The following HNRNPF variants were observed in gnomAD, a reference collection of about 807,000 sequenced individuals.
The protein encoded by HNRNPF is HnRNP F protein.
HNRNPF carries 2 observed loss-of-function variants against 26.0 expected under a neutral mutation model. The ratio of observed to expected loss-of-function variants is 0.08; its 90% CI spans 0.03 to 0.24. The LOEUF is 0.24. HNRNPF is among the 10% of genes least tolerant of loss of function. The probability of loss-of-function intolerance (pLI) is 1.00; values close to 1 mark genes in which losing one functional copy is unlikely to be tolerated. For missense variants in HNRNPF, 299 were observed against 539.2 expected, an observed-to-expected ratio of 0.55 and a Z score of 4.41; for synonymous variants, 234 against 211.5, an observed-to-expected ratio of 1.11 and a Z score of -0.92.
At chr10:43,393,511 G>A (rs1295359874) in intron 3 of HNRNPF, among the ~76,000 whole-genome samples, 1 of 151,890 alleles carries the variant, frequency 6.6e-6, no homozygotes, top group African/African-American at 2.4e-5. Flanking sequence ...CAGGAGAATC[G>A]CTTGAACCTG....
Position 43,396,591 on chromosome 10 carries a change from C to T in HNRNPF, c.-246-1G>A, listed in dbSNP as rs1838527840. 1 of 152,260 alleles carries T rather than the reference C, an allele frequency of 6.6e-6. No homozygotes were observed. Among genetic ancestry groups the T allele is most frequent in the Non-Finnish European group, 1.5e-5 (1 of 68,058 alleles). 9.4% of individuals were successfully genotyped at this position (152,260 alleles called of 1,614,324 possible). ...CCAGGTGCATGTTTTTGTTCTCAAC[C>T]TGCAACAGAAATCCAAGTGGTGGTG... On this transcript the variant is annotated splice_acceptor_variant, in intron 1 of 3. Transcript: ENST00000682386. LOFTEE classifies it low-confidence loss of function (5UTR_SPLICE).
Position 43,385,652 on chromosome 10 carries a change from C to T in HNRNPF, c.*985G>A, listed in dbSNP as rs1398335399. ...ATCAGCATTTTATAAAAACTAGAAA[C>T]AAAATAATTGCTTTCACAATGTAGT... On this transcript the variant is annotated 3_prime_UTR_variant, in exon 4 of 4. Transcript: ENST00000682386. The T allele has an allele frequency of 6.6e-6, 1 of 151,952 alleles. No homozygotes were observed. Among genetic ancestry groups the T allele is most frequent in the African/African-American group, 2.4e-5 (1 of 41,384 alleles). The allele number at this position is 151,952 out of a possible 1,614,324, so 9.4% of individuals were successfully genotyped here.
rs1838526909 is a variant in HNRNPF, at chr10:43,396,555, C to G, written c.-211G>C. 1 of 152,270 alleles carries G rather than the reference C, an allele frequency of 6.6e-6. No homozygotes were observed. Among genetic ancestry groups the G allele is most frequent in the Non-Finnish European group, 1.5e-5 (1 of 68,096 alleles). 9.4% of individuals were successfully genotyped at this position (152,270 alleles called of 1,614,324 possible). ...CCGAAGCTCAACCACGCAGAGGGCT[C>G]CGGGGAAACTCCAGGTGCATGTTTT... On this transcript the variant is annotated 5_prime_UTR_variant, in exon 2 of 4. Transcript: ENST00000682386.
intron 1 of HNRNPF, 196 bp downstream of exon 1, chr10:43,408,935 T>A (rs1357638418): frequency 2.0e-5 from 3 of 152,350 alleles, no homozygotes; most frequent in Non-Finnish European, 4.4e-5. Context: ...GCCCCAATCC[T>A]CAGCGCCTGC....
chr10:43,387,714 A>G lies in HNRNPF; in HGVS notation c.171T>C (p.Ala57=), dbSNP rs901892009. ...CATCTTCTGATCCAAGTTCAACAAA[A>G]GCCTCACCACTCTGCCTGCCCTCTC... ...YTREGRQSGE[A]FVELGSEDDV... is the part of the protein sequence containing the mutation. The change falls in exon 4 of 4, where the codon GCT becomes GCC. Residue 57 remains alanine, a synonymous_variant. Transcript: ENST00000682386. The surrounding 1 kb of genome is among the most constrained non-coding windows in gnomAD (Gnocchi z 6.0). 13 of 1,613,974 alleles carry G rather than the reference A, an allele frequency of 8.1e-6. No homozygotes were observed. The highest frequency in any genetic ancestry group is 1.7e-5 in the Admixed American group (1 of 59,980).
chr10:43,401,162 A>G (rs1838744068), intron 1 of HNRNPF, among the ~76,000 whole-genome samples: 1 of 151,866 alleles, frequency 6.6e-6, no homozygotes, highest in Admixed American at 6.6e-5. Flanking sequence ...CTACATTTAT[A>G]TCCACCAAAG....
At chr10:43,390,438 A>C (rs938342429) in intron 3 of HNRNPF, among the ~76,000 whole-genome samples, 13 of 151,972 alleles carry the variant, frequency 8.6e-5, no homozygotes, top group African/African-American at 2.7e-4. Flanking sequence ...TAATCCACTA[A>C]CCATTTTCTC....
chr10:43,405,512 C>T (rs1356671290), intron 1 of HNRNPF, among the ~76,000 whole-genome samples: 2 of 151,978 alleles, frequency 1.3e-5, no homozygotes, highest in South Asian at 2.1e-4. Flanking sequence ...AAAAATTAGC[C>T]GGGCATGGTG....
At chr10:43,401,683 G>A (rs1056437270) in intron 1 of HNRNPF, among the ~76,000 whole-genome samples, 1 of 152,144 alleles carries the variant, frequency 6.6e-6, no homozygotes, top group Non-Finnish European at 1.5e-5. Flanking sequence ...GTTTTTCCCA[G>A]ACCACCTCCT....
chr10:43,392,336 C>A (rs1055031021), intron 3 of HNRNPF, among the ~76,000 whole-genome samples: 4 of 152,086 alleles, frequency 2.6e-5, no homozygotes, highest in Non-Finnish European at 5.9e-5. Flanking sequence ...GTCAGGAGAT[C>A]GAGACCATCC....
intron 2 of HNRNPF, among the ~76,000 whole-genome samples, chr10:43,396,105 C>T (rs547271341): frequency 1.3e-5 from 2 of 152,206 alleles, no homozygotes; most frequent in African/African-American, 2.4e-5. Flanking sequence ...AAAGCGCTCC[C>T]GAACGAGCTC....
intron 1 of HNRNPF, chr10:43,397,477 G>T (rs984869396): frequency 6.6e-6 from 1 of 150,604 alleles, no homozygotes; most frequent in Admixed American, 6.6e-5. Flanking sequence ...GCGACCTGGG[G>T]AAAGTCCAGA....
chr10:43,392,402 C>T (rs1028039666), intron 3 of HNRNPF, among the ~76,000 whole-genome samples: 8 of 152,038 alleles, frequency 5.3e-5, no homozygotes, highest in Non-Finnish European at 1.2e-4. Context: ...AGCCAGGCGT[C>T]GTGGCGGGCG....
intron 1 of HNRNPF, among the ~76,000 whole-genome samples, chr10:43,404,822 C>A (rs1411588373): frequency 6.6e-6 from 1 of 152,120 alleles, no homozygotes; most frequent in Non-Finnish European, 1.5e-5. Flanking sequence ...AACTCCGTCT[C>A]AAAAACAAAA....
intron 3 of HNRNPF, among the ~76,000 whole-genome samples, chr10:43,390,793 A>G (rs2131965432): frequency 6.6e-6 from 1 of 152,206 alleles, no homozygotes; most frequent in South Asian, 2.1e-4. Flanking sequence ...CTAAGCTACA[A>G]TTTCTCAGCC....
At chr10:43,398,793 A>G (rs1370787765) in intron 1 of HNRNPF, among the ~76,000 whole-genome samples, 3 of 152,178 alleles carry the variant, frequency 2.0e-5, no homozygotes, top group Non-Finnish European at 1.5e-5. Context: ...AGCTGGGACC[A>G]CTGGCATGCA....
chr10:43,393,857 GACGC>G (rs1838353531), intron 3 of HNRNPF, among the ~76,000 whole-genome samples: 1 of 152,182 alleles, frequency 6.6e-6, no homozygotes, highest in South Asian at 2.1e-4. Context: ...TCAGGGATGT[GACGC>G]ACATAGTTGA....
chr10:43,388,966 ATTTTTTTTT>A (rs141503011), intron 3 of HNRNPF, among the ~76,000 whole-genome samples: 1 of 127,100 alleles, frequency 7.9e-6, no homozygotes, highest in East Asian at 2.3e-4. Flanking sequence ...AGTATATGGA[ATTTTTTTTT>A]TTTTTTTTTT....
chr10:43,401,415 C>T (rs1838751578), intron 1 of HNRNPF, among the ~76,000 whole-genome samples: 1 of 152,192 alleles, frequency 6.6e-6, no homozygotes. Context: ...GATCATAAAA[C>T]AAGCAACCAT....
Sources: allele counts gnomAD v4.1 joint callset (sites outside exome capture counted in the v4.1 genomes callset), GRCh38; gene constraint gnomAD v4.1.1; non-coding constraint Gnocchi (gnomAD v3.1); transcripts MANE v1.5; gene names NCBI Gene and HGNC (gene_info 2026-07-23, HGNC 2026-07-21).